The following ADAMTS3 variants were observed in gnomAD, a reference collection of about 807,000 sequenced individuals.
The protein encoded by ADAMTS3 is ADAM metallopeptidase with thrombospondin type 1 motif 3.
A neutral mutation model predicts 129.0 loss-of-function variants in ADAMTS3; 73 were observed. The ratio of observed to expected loss-of-function variants is 0.57; its 90% CI spans 0.47 to 0.69. The LOEUF is 0.69. Ranked by LOEUF, ADAMTS3 falls within the 30% of genes least tolerant of loss-of-function variation. The probability of loss-of-function intolerance (pLI) is 0.00; values close to 1 mark genes in which losing one functional copy is unlikely to be tolerated. For missense variants in ADAMTS3, 1,457 were observed against 1,514.5 expected, an observed-to-expected ratio of 0.96 and a Z score of 0.63; for synonymous variants, 477 against 510.8, an observed-to-expected ratio of 0.93 and a Z score of 0.89.
At chr4:72,338,767 CA>C (rs1297844512) in intron 5 of ADAMTS3, among the ~76,000 whole-genome samples, 1 of 151,950 alleles carries the variant, frequency 6.6e-6, no homozygotes, top group African/African-American at 2.4e-5. Context: ...TAGAGTACAT[CA>C]AAATCTCAAT....
intron 11 of ADAMTS3, among the ~76,000 whole-genome samples, chr4:72,315,291 T>A (rs989835077): frequency 6.6e-6 from 1 of 152,214 alleles, no homozygotes; most frequent in Non-Finnish European, 1.5e-5. Flanking sequence ...AATGTTACCT[T>A]ATTTGGAAAA....
chr4:72,290,648 CTA>C (rs1282758017), intron 20 of ADAMTS3, among the ~76,000 whole-genome samples: 1 of 152,190 alleles, frequency 6.6e-6, no homozygotes, highest in African/African-American at 2.4e-5. Context: ...GACTTCTTCT[CTA>C]TGTTATGAAA....
chr4:72,531,879 C>CT (rs1382445933), intron 3 of ADAMTS3, among the ~76,000 whole-genome samples: 4 of 152,016 alleles, frequency 2.6e-5, no homozygotes, highest in Non-Finnish European at 5.9e-5. Context: ...AGAACATAGC[C>CT]TGGGGAGATG....
intron 4 of ADAMTS3, among the ~76,000 whole-genome samples, chr4:72,410,868 T>C (rs1305289884): frequency 6.6e-6 from 1 of 152,164 alleles, no homozygotes; most frequent in Non-Finnish European, 1.5e-5. Context: ...CCTACCATGA[T>C]GAAGTAGACA....
At chr4:72,288,183 A>T (rs1291160690) in intron 21 of ADAMTS3, among the ~76,000 whole-genome samples, 2 of 152,180 alleles carry the variant, frequency 1.3e-5, no homozygotes, top group Non-Finnish European at 2.9e-5. Context: ...GCTGTTTTAA[A>T]ATAGCAAATT....
chr4:72,341,553 A>T (rs1720138072), intron 4 of ADAMTS3, among the ~76,000 whole-genome samples: 1 of 152,308 alleles, frequency 6.6e-6, no homozygotes, highest in South Asian at 2.1e-4. Flanking sequence ...CTAGTGTACA[A>T]ATATAGGAAA....
intron 3 of ADAMTS3, among the ~76,000 whole-genome samples, chr4:72,444,035 A>G (rs904183279): frequency 2.2e-4 from 33 of 151,758 alleles, no homozygotes; most frequent in African/African-American, 7.5e-4. Flanking sequence ...GCTGCAGGGA[A>G]CTTAAAAATC....
At chr4:72,356,869 G>A (rs1021087562) in intron 4 of ADAMTS3, among the ~76,000 whole-genome samples, 1 of 151,610 alleles carries the variant, frequency 6.6e-6, no homozygotes, top group Admixed American at 6.6e-5. Context: ...GAGATACTGA[G>A]CTGGAAAAAA....
At chr4:72,387,401 G>A (rs1479794543) in intron 4 of ADAMTS3, among the ~76,000 whole-genome samples, 1 of 152,160 alleles carries the variant, frequency 6.6e-6, no homozygotes, top group African/African-American at 2.4e-5. Context: ...AATCAACTAT[G>A]CTAGCTGTCT....
chr4:72,447,172 C>G (rs755192111), intron 3 of ADAMTS3, among the ~76,000 whole-genome samples: 2 of 151,698 alleles, frequency 1.3e-5, no homozygotes, highest in Non-Finnish European at 1.5e-5. Context: ...TACAAGGGCT[C>G]TAGCCTCAGC....
intron 8 of ADAMTS3, 42 bp from the exon 9 acceptor site, chr4:72,319,517 C>A: frequency 1.9e-6 from 3 of 1,562,434 alleles, no homozygotes; most frequent in Non-Finnish European, 2.6e-6. Flanking sequence ...TCAGGGGCTA[C>A]TGCCTTCACT....
chr4:72,453,316 A>T (rs1255260230), intron 3 of ADAMTS3, among the ~76,000 whole-genome samples: 2 of 151,856 alleles, frequency 1.3e-5, no homozygotes, highest in African/African-American at 2.4e-5. Flanking sequence ...AGGCATCTCA[A>T]ATCATTCATT....
intron 4 of ADAMTS3, among the ~76,000 whole-genome samples, chr4:72,386,512 G>A (rs1422491591): frequency 6.6e-6 from 1 of 151,982 alleles, no homozygotes; most frequent in Non-Finnish European, 1.5e-5. Context: ...TGCAATAAGG[G>A]AGAATCACAT....
intron 3 of ADAMTS3, among the ~76,000 whole-genome samples, chr4:72,425,435 T>C (rs950847801): frequency 2.6e-5 from 4 of 152,114 alleles, no homozygotes; most frequent in Admixed American, 1.3e-4. Context: ...CTGCACCCAT[T>C]AACTCGTCAT....
At chr4:72,423,318 T>C (rs1343800215) in intron 3 of ADAMTS3, among the ~76,000 whole-genome samples, 6 of 152,160 alleles carry the variant, frequency 3.9e-5, no homozygotes, top group African/African-American at 1.4e-4. Flanking sequence ...AAAAAATATA[T>C]ATCAATATTG....
chr4:72,497,733 AT>A (rs1451695171), intron 3 of ADAMTS3, among the ~76,000 whole-genome samples: 1 of 113,494 alleles, frequency 8.8e-6, no homozygotes, highest in East Asian at 2.3e-4. Flanking sequence ...CTTGTTATAG[AT>A]TAATGATTAT....
At chr4:72,429,800 C>A (rs1224732772) in intron 3 of ADAMTS3, among the ~76,000 whole-genome samples, 1 of 151,984 alleles carries the variant, frequency 6.6e-6, no homozygotes, top group African/African-American at 2.4e-5. Context: ...TCAACTATTC[C>A]TTCGGCGCTT....
At chr4:72,369,602 T>C (rs1306705262) in intron 4 of ADAMTS3, among the ~76,000 whole-genome samples, 2 of 151,670 alleles carry the variant, frequency 1.3e-5, no homozygotes, top group Admixed American at 1.3e-4. Context: ...TCCCAGCTAC[T>C]GGGGAGGCTG....
At chr4:72,325,251 A>G (rs1719669915) in intron 5 of ADAMTS3, among the ~76,000 whole-genome samples, 1 of 152,188 alleles carries the variant, frequency 6.6e-6, no homozygotes, top group Admixed American at 6.5e-5. Context: ...GAAAAAGTCA[A>G]TGTTAGACAA....
Sources: allele counts gnomAD v4.1 joint callset (sites outside exome capture counted in the v4.1 genomes callset), GRCh38; gene constraint gnomAD v4.1.1; transcripts MANE v1.5; gene names NCBI Gene and HGNC (gene_info 2026-07-23, HGNC 2026-07-21).